The following HTR4 variants were observed in gnomAD, a reference collection of about 807,000 sequenced individuals.
HTR4 encodes 5-hydroxytryptamine (serotonin) receptor 4, G protein-coupled.
In HTR4, 16 loss-of-function variants were observed where a neutral mutation model predicts 36.8. That is an observed-to-expected ratio of 0.43 (90% CI 0.29 to 0.66). The LOEUF is 0.66. HTR4 is among the 30% of genes least tolerant of loss of function. The pLI, the probability that HTR4 is intolerant of heterozygous loss-of-function variation, is 0.13. For missense variants in HTR4, 438 were observed against 490.9 expected (o/e 0.89, Z 1.02); for synonymous variants, 189 against 185.1 (o/e 1.02, Z -0.17).
At chr5:148,637,570 G>A (rs909626598) in intron 1 of HTR4, among the ~76,000 whole-genome samples, 6 of 152,080 alleles carry the variant, frequency 3.9e-5, no homozygotes, top group East Asian at 1.9e-4. Context: ...GCACACACAT[G>A]CACACTTTCC....
chr5:148,557,616 C>T (rs1760014170), intron 2 of HTR4, among the ~76,000 whole-genome samples: 1 of 151,758 alleles, frequency 6.6e-6, no homozygotes, highest in Non-Finnish European at 1.5e-5. Context: ...TGATGAACAG[C>T]AGTACTGAGA....
chr5:148,537,204 T>A (rs574833394), intron 4 of HTR4, among the ~76,000 whole-genome samples: 1 of 151,990 alleles, frequency 6.6e-6, no homozygotes, highest in Admixed American at 6.6e-5. Context: ...AAGAAAGATA[T>A]AACATACCAG....
intron 2 of HTR4, among the ~76,000 whole-genome samples, chr5:148,605,925 C>T (rs75341369): frequency 0.022 from 3,304 of 152,248 alleles, 67 homozygotes; most frequent in South Asian, 0.086. Flanking sequence ...CTCAATTCTA[C>T]AGATCCTACT....
intron 2 of HTR4, among the ~76,000 whole-genome samples, chr5:148,574,251 T>C (rs907382350): frequency 6.6e-6 from 1 of 152,038 alleles, no homozygotes; most frequent in African/African-American, 2.4e-5. Context: ...AGCCTCCCTA[T>C]TCAGCTACAG....
intron 5 of HTR4, among the ~76,000 whole-genome samples, chr5:148,454,780 A>G (rs1413731896): frequency 6.6e-6 from 1 of 152,218 alleles, no homozygotes; most frequent in Non-Finnish European, 1.5e-5. Context: ...AGTGAGGCTC[A>G]TAGCAGCTGA....
chr5:148,553,681 C>T (rs997168917), intron 2 of HTR4, among the ~76,000 whole-genome samples: 1 of 152,132 alleles, frequency 6.6e-6, no homozygotes, highest in Admixed American at 6.5e-5. Flanking sequence ...AATTTGCACT[C>T]ATTAGGATGG....
chr5:148,588,801 A>G (rs1761448914), intron 2 of HTR4, among the ~76,000 whole-genome samples: 1 of 151,370 alleles, frequency 6.6e-6, no homozygotes, highest in Non-Finnish European at 1.5e-5. Flanking sequence ...CGGCCTCCCA[A>G]AGTGCTGGGA....
intron 5 of HTR4, among the ~76,000 whole-genome samples, chr5:148,469,278 A>C (rs1755507733): frequency 6.6e-6 from 1 of 152,166 alleles, no homozygotes; most frequent in Non-Finnish European, 1.5e-5. Flanking sequence ...TCCTTTTATA[A>C]ACTAACTTCA....
At chr5:148,580,286 T>C (rs1761082996) in intron 2 of HTR4, among the ~76,000 whole-genome samples, 1 of 152,108 alleles carries the variant, frequency 6.6e-6, no homozygotes, top group South Asian at 2.1e-4. Flanking sequence ...ATACAACTGA[T>C]ATGCAAAATC....
downstream of HTR4, among the ~76,000 whole-genome samples, chr5:148,479,838 A>G (rs1372025834): frequency 2.0e-5 from 3 of 152,242 alleles, no homozygotes; most frequent in Non-Finnish European, 4.4e-5. Context: ...ATCTCAGTGC[A>G]TTATAAACTG....
chr5:148,527,933 TAC>T (rs2113806052), intron 4 of HTR4, among the ~76,000 whole-genome samples: 1 of 152,286 alleles, frequency 6.6e-6, no homozygotes, highest in Admixed American at 6.5e-5. Context: ...ATTTTACATA[TAC>T]AGTCAGTTCC....
intron 2 of HTR4, among the ~76,000 whole-genome samples, chr5:148,576,238 A>C (rs538546362): frequency 6.6e-6 from 1 of 152,064 alleles, no homozygotes; most frequent in Admixed American, 6.6e-5. Context: ...CAAAAAGAAT[A>C]AAATACCAGG....
intron 2 of HTR4, among the ~76,000 whole-genome samples, chr5:148,554,745 A>G (rs1046821982): frequency 6.6e-6 from 1 of 152,126 alleles, no homozygotes; most frequent in Non-Finnish European, 1.5e-5. Context: ...TTATTTCATC[A>G]TCCATATAAT....
intron 2 of HTR4, among the ~76,000 whole-genome samples, chr5:148,633,759 T>C (rs1484916284): frequency 6.6e-6 from 1 of 152,124 alleles, no homozygotes; most frequent in Admixed American, 6.6e-5. Context: ...TTAATTATTT[T>C]ATAGTAAAGA....
At chr5:148,527,678 G>T (rs1257614658) in intron 4 of HTR4, among the ~76,000 whole-genome samples, 1 of 135,328 alleles carries the variant, frequency 7.4e-6, no homozygotes, top group Non-Finnish European at 1.7e-5. Flanking sequence ...GTGCTTATGT[G>T]ATCTTGGCTC....
intron 1 of HTR4, among the ~76,000 whole-genome samples, chr5:148,639,304 A>G (rs1042811997): frequency 6.6e-6 from 1 of 151,930 alleles, no homozygotes; most frequent in Non-Finnish European, 1.5e-5. Flanking sequence ...ATCATAGCTA[A>G]CCAGACCTTA....
intron 6 of HTR4, among the ~76,000 whole-genome samples, chr5:148,505,691 C>A (rs1478651358): frequency 6.6e-6 from 1 of 152,162 alleles, no homozygotes; most frequent in East Asian, 1.9e-4. Flanking sequence ...GATACAAAAT[C>A]AATGTGCAAA....
intron 4 of HTR4, among the ~76,000 whole-genome samples, chr5:148,533,479 G>A (rs923361404): frequency 2.6e-5 from 4 of 152,134 alleles, no homozygotes; most frequent in Non-Finnish European, 5.9e-5. Context: ...ACAACTCTTA[G>A]TAGGCAGCCA....
intron 1 of HTR4, among the ~76,000 whole-genome samples, chr5:148,653,295 T>C (rs1450046255): frequency 2.0e-5 from 3 of 152,218 alleles, no homozygotes; most frequent in African/African-American, 7.2e-5. Context: ...AGATTTTCTC[T>C]TAACATTGAA....
Sources: allele counts gnomAD v4.1 joint callset (sites outside exome capture counted in the v4.1 genomes callset), GRCh38; gene constraint gnomAD v4.1.1; transcripts MANE v1.5; gene names NCBI Gene and HGNC (gene_info 2026-07-23, HGNC 2026-07-21).